HSPA4L: variants seen among roughly 807,000 people sequenced by gnomAD.
HSPA4L encodes the protein heat shock protein family A (Hsp70) member 4 like, also known as heat shock 70 kDa protein 4L.
In HSPA4L, 48 loss-of-function variants were observed where a neutral mutation model predicts 100.3. The ratio of observed to expected loss-of-function variants is 0.48; its 90% confidence interval spans 0.38 to 0.61. The LOEUF is 0.61. Among genes scored for constraint, HSPA4L ranks in the 20% least tolerant of loss-of-function variants. HSPA4L has a pLI of 0.00. For synonymous variants in HSPA4L, 319 were observed against 328.2 expected, an observed-to-expected ratio of 0.97 and a Z score of 0.30; for missense variants, 886 against 988.6, an observed-to-expected ratio of 0.90 and a Z score of 1.39.
Position 127,836,055 on chromosome 4 carries a change from TGG to T in HSPA4L, c.*3183_*3184del, listed in dbSNP as rs537426555. On this transcript the variant is annotated 3_prime_UTR_variant, in exon 19 of 19. Transcript: ENST00000296464. The stretch of plus-strand genomic sequence containing the variant: ...ATAATCATACCACTGCACTCCAGCC[TGG>T]GCAACAGAGTGAGGCCCTGTCTCAA... 837 of 152,866 alleles carry T rather than the reference TGG, an allele frequency of 5.5e-3. 1 individual carries two copies. The highest frequency in any genetic ancestry group is 8.6e-3 in the Non-Finnish European group (588 of 68,500). The allele number at this position is 152,866 out of a possible 1,614,324, so 9.5% of individuals were successfully genotyped here.
At chr4:127,789,604 C>A (rs542291955) in intron 1 of HSPA4L, among the ~76,000 whole-genome samples, 14 of 151,486 alleles carry the variant, frequency 9.2e-5, no homozygotes, top group African/African-American at 3.4e-4. Context: ...GCTGAGACTG[C>A]GCTACTGCAC....
chr4:127,781,972 T>G, upstream of HSPA4L: 1 of 435,468 alleles, frequency 2.3e-6, no homozygotes, highest in South Asian at 1.6e-5. Context: ...TCAAAACACG[T>G]TCGCAAAGCC....
chr4:127,806,443 T>C (rs1733359446), intron 10 of HSPA4L, among the ~76,000 whole-genome samples: 1 of 152,034 alleles, frequency 6.6e-6, no homozygotes, highest in African/African-American at 2.4e-5. Context: ...GCACATTATT[T>C]TGAGTAATAT....
At chr4:127,782,787 CA>C in intron 1 of HSPA4L, 130 bp downstream of exon 1, 3 of 645,044 alleles carry the variant, frequency 4.7e-6, no homozygotes, top group Non-Finnish European at 7.9e-6. Flanking sequence ...ATGACAGGTG[CA>C]ACCCGTCAAC....
chr4:127,794,148 G>C lies in HSPA4L; in HGVS notation c.165+14G>C, dbSNP rs1351718270. 1 of 1,604,902 alleles carries C rather than the reference G, an allele frequency of 6.2e-7. No homozygotes were observed. The highest frequency in any genetic ancestry group is 2.2e-5 in the East Asian group (1 of 44,640). On this transcript the variant is annotated intron_variant, in intron 2 of 18. Coordinates refer to ENST00000296464, the MANE Select transcript of HSPA4L (RefSeq NM_014278.4). ...GCAAAGAGCCAGGTAAATTGTTAAT[G>C]TGGATGTTTTGACTTACAGGAAGAA...
At chr4:127,818,279 A>G in intron 12 of HSPA4L, 46 bp from the exon 13 acceptor site, 1 of 1,366,168 alleles carries the variant, frequency 7.3e-7, no homozygotes, top group Admixed American at 1.9e-5. Context: ...TTTTAAAACA[A>G]AAAAAAGACA....
At chr4:127,807,617 A>G (rs533040779) in intron 10 of HSPA4L, among the ~76,000 whole-genome samples, 9 of 152,266 alleles carry the variant, frequency 5.9e-5, no homozygotes, top group Admixed American at 1.3e-4. Context: ...TTTGCAAACA[A>G]AAGTTTCTAT....
intron 11 of HSPA4L, 86 bp downstream of exon 11, chr4:127,808,215 C>A: frequency 9.0e-7 from 1 of 1,113,540 alleles, no homozygotes; most frequent in Non-Finnish European, 1.3e-6. Flanking sequence ...ATAGACATTT[C>A]AGCTAAGCCA....
chr4:127,782,336 C>T lies in HSPA4L; in HGVS notation c.-215C>T. On this transcript the variant is annotated 5_prime_UTR_variant, in exon 1 of 19. Transcript: ENST00000296464. ...GGCCGAACCGCAGTAGGGAAAGACC[C>T]AGGCTGCGGGACGCGGTGCAGGCTG... The T allele has an allele frequency of 1.8e-6, 1 of 549,222 alleles. No individual in the cohort carries two copies. Among genetic ancestry groups the T allele is most frequent in the Non-Finnish European group, 3.3e-6 (1 of 307,542 alleles). 34.0% of individuals were successfully genotyped at this position (549,222 alleles called of 1,614,324 possible). A position where few individuals can be genotyped will look rare whatever the true frequency, so the allele number is the denominator to read the frequency against.
chr4:127,818,731 G>A (rs1455330593), intron 13 of HSPA4L, among the ~76,000 whole-genome samples: 2 of 151,774 alleles, frequency 1.3e-5, no homozygotes, highest in Non-Finnish European at 2.9e-5. Flanking sequence ...GACGCTTACT[G>A]GAAGGTGGAG....
Position 127,795,833 on chromosome 4 carries a change from T to C in HSPA4L, c.231T>C (p.Asp77=). The C allele has an allele frequency of 6.2e-7, 1 of 1,613,764 alleles. No homozygotes were observed. The highest frequency in any genetic ancestry group is 1.3e-5 in the African/African-American group (1 of 75,042). The change falls in exon 3 of 19, where the codon GAT becomes GAC. Residue 77 remains aspartate (D), a synonymous_variant. Coordinates refer to ENST00000296464, the MANE Select transcript of HSPA4L (RefSeq NM_014278.4). ...AGCTTCATGGGCGATCATTTGATGA[T>C]CCCATTGTGCAAACTGAAAGGATCA... is the stretch of plus-strand genomic sequence containing the variant. ...FKKLHGRSFD[D]PIVQTERIRL...
Position 127,830,725 on chromosome 4 carries a change from A to T in HSPA4L, c.2254A>T (p.Met752Leu). The T allele has an allele frequency of 6.2e-7, 1 of 1,611,238 alleles. No homozygotes were observed. Among genetic ancestry groups the T allele is most frequent in the Non-Finnish European group, 8.5e-7 (1 of 1,178,746 alleles). ...TGCCATGAGTTGGCTGAATAGTAAG[A>T]TGAATGCACAGAACAAACTAAGTCT... Reference protein sequence around the residue: ...SDAMSWLNSKMNAQNKLSLTQ... With the variant: ...SDAMSWLNSKLNAQNKLSLTQ... The change falls in exon 18 of 19, where the codon ATG becomes TTG. Residue 752 changes from methionine to leucine, a missense_variant. Coordinates refer to ENST00000296464, the MANE Select transcript of HSPA4L (RefSeq NM_014278.4).
At chr4:127,821,293 T>G (rs928280906) in intron 14 of HSPA4L, among the ~76,000 whole-genome samples, 1 of 152,142 alleles carries the variant, frequency 6.6e-6, no homozygotes, top group Non-Finnish European at 1.5e-5. Flanking sequence ...GAGAAAAATT[T>G]TCCCAAAGGA....
In HSPA4L at chr4:127,823,739, T is replaced by C. The variant is rs111639430; in HGVS notation, c.2046+115T>C. On this transcript the variant is annotated intron_variant, in intron 16 of 18. Transcript: ENST00000296464. ...TTAATTTTTTAATTGAGAGGAAAAT[T>C]GTATATATTTGTGGTGTACGACATG... The C allele has an allele frequency of 3.0e-5, 19 of 626,664 alleles. No individual in the cohort carries two copies. The Admixed American group carries it at 5.2e-4, about 17-fold the overall frequency. 38.8% of individuals were successfully genotyped at this position (626,664 alleles called of 1,614,324 possible).
At position 127,803,906 on chromosome 4, in the gene HSPA4L, T is replaced by G. The variant is rs140836843; in HGVS notation, c.908+33T>G. 4,343 of 1,609,102 alleles carry G rather than the reference T, an allele frequency of 2.7e-3. 81 individuals carry two copies. The African/African-American group carries it at 0.048, about 18-fold the overall frequency. ...GTATGTTTTTAGTTTGAAAAGTGTTTACTTATTTTATAATGTTTAGATCAC... is the reference window on the plus strand; with the variant it reads ...GTATGTTTTTAGTTTGAAAAGTGTTGACTTATTTTATAATGTTTAGATCAC... On this transcript the variant is annotated intron_variant, in intron 7 of 18. Coordinates refer to ENST00000296464, the MANE Select transcript of HSPA4L (RefSeq NM_014278.4).
rs554788658 is a variant in HSPA4L at position 127,811,447 on chromosome 4, T to C, written c.1389T>C (p.Thr463=). 8 of 1,613,756 alleles carry C rather than the reference T, an allele frequency of 5.0e-6. No homozygotes were observed. The South Asian group carries it at 8.8e-5, about 18-fold the overall frequency. The stretch of plus-strand genomic sequence containing the variant: ...TCTTTTTTCCTTAAGGGAGCTTCAC[T>C]ATTCAGAATGTTTTTCCACAGTCTG... The part of the protein sequence containing the change: ...PYPDARIGSF[T]IQNVFPQSDG... Residue 463 remains threonine, a synonymous_variant, in exon 12 of 19, where the codon ACT becomes ACC. Coordinates refer to ENST00000296464, the MANE Select transcript of HSPA4L (RefSeq NM_014278.4).
rs975467902 is a variant in HSPA4L at position 127,835,239 on chromosome 4, G to C, written c.*2365G>C. The C allele has an allele frequency of 6.6e-6, 1 of 152,166 alleles. No homozygotes were observed. Among genetic ancestry groups the C allele is most frequent in the Non-Finnish European group, 1.5e-5 (1 of 68,024 alleles). The allele number at this position is 152,166 out of a possible 1,614,324, so 9.4% of individuals were successfully genotyped here. ...TGGTAAGCAAATAAGAATGAAGTTT[G>C]TAGGGAATATTTGGAATGATTAATA... On this transcript the variant is annotated 3_prime_UTR_variant, in exon 19 of 19. Coordinates refer to ENST00000296464, the MANE Select transcript of HSPA4L (RefSeq NM_014278.4).
chr4:127,782,784 G>GT, intron 1 of HSPA4L, 127 bp downstream of exon 1: 2 of 673,046 alleles, frequency 3.0e-6, no homozygotes, highest in Non-Finnish European at 4.9e-6. Context: ...GAGATGACAG[G>GT]TGCAACCCGT....
At position 127,838,589 on chromosome 4, in the gene HSPA4L, T is replaced by C. The variant is rs550762762; in HGVS notation, c.*5715T>C. On this transcript the variant is annotated 3_prime_UTR_variant, in exon 19 of 19. Coordinates refer to ENST00000296464, the MANE Select transcript of HSPA4L (RefSeq NM_014278.4). Reference sequence around the variant, plus strand: ...CAGGATGATTATTAGGGAAATGTCATTGACACCTGAAAATTACCTATCCTG... The same window carrying C: ...CAGGATGATTATTAGGGAAATGTCACTGACACCTGAAAATTACCTATCCTG... 6 of 152,330 alleles carry C rather than the reference T, an allele frequency of 3.9e-5. No homozygotes were observed. Among genetic ancestry groups the C allele is most frequent in the Non-Finnish European group, 5.9e-5 (4 of 68,020 alleles). The allele number at this position is 152,330 out of a possible 1,614,324, so 9.4% of individuals were successfully genotyped here.
Sources: allele counts gnomAD v4.1 joint callset (sites outside exome capture counted in the v4.1 genomes callset), GRCh38; gene constraint gnomAD v4.1.1; transcripts MANE v1.5; gene names NCBI Gene and HGNC (gene_info 2026-07-23, HGNC 2026-07-21).